The following SCHIP1 variants were observed in gnomAD, a reference collection of about 807,000 sequenced individuals.
SCHIP1 encodes the protein schwannomin interacting protein 1.
SCHIP1 carries 8 observed loss-of-function variants against 29.7 expected under a neutral mutation model. That is an observed-to-expected ratio of 0.27 (90% CI 0.16 to 0.49). The LOEUF is 0.49. Ranked by LOEUF, SCHIP1 falls within the 20% of genes least tolerant of loss-of-function variation. The probability of loss-of-function intolerance (pLI) is 0.99; values close to 1 mark genes in which losing one functional copy is unlikely to be tolerated. For synonymous variants in SCHIP1, 76 were observed against 94.9 expected, an observed-to-expected ratio of 0.80 and a Z score of 1.16; for missense variants, 193 against 294.6, an observed-to-expected ratio of 0.66 and a Z score of 2.52.
At chr3:159,605,617 T>C in the SCHIP1 span, among the ~76,000 whole-genome samples, 3 of 152,178 alleles carry the variant, frequency 2.0e-5, no homozygotes, top group Admixed American at 2.0e-4. Flanking sequence ...TGTCAGTATA[T>C]GAAATGCCAG....
chr3:159,693,835 A>G, the SCHIP1 span, among the ~76,000 whole-genome samples: 2 of 152,216 alleles, frequency 1.3e-5, no homozygotes, highest in African/African-American at 2.4e-5. Flanking sequence ...TCGGTTAATA[A>G]GTTTTAGAAA....
the SCHIP1 span, among the ~76,000 whole-genome samples, chr3:159,465,384 A>C: frequency 6.6e-6 from 1 of 151,644 alleles, no homozygotes; most frequent in African/African-American, 2.4e-5. Context: ...AGAAAGAGAG[A>C]GAAAGAGAGA....
At chr3:159,279,303 G>A in the SCHIP1 span, among the ~76,000 whole-genome samples, 1 of 152,178 alleles carries the variant, frequency 6.6e-6, no homozygotes, top group East Asian at 1.9e-4. Flanking sequence ...CATGTAAGGT[G>A]TGCCTTTGCT....
At chr3:159,665,546 T>TGTGTGTGTGTGTGTGTG in the SCHIP1 span, among the ~76,000 whole-genome samples, 17 of 147,460 alleles carry the variant, frequency 1.2e-4, no homozygotes, top group African/African-American at 4.2e-4. Context: ...GTTTTTGGGG[T>TGTGTGTGTGTGTGTGTG]TGTGTGTGTG....
chr3:159,395,560 C>A, the SCHIP1 span, among the ~76,000 whole-genome samples: 1 of 151,824 alleles, frequency 6.6e-6, no homozygotes, highest in African/African-American at 2.4e-5. Context: ...TTTATTTCTG[C>A]CTTCATTTCG....
At chr3:159,359,502 A>G in the SCHIP1 span, among the ~76,000 whole-genome samples, 1 of 152,314 alleles carries the variant, frequency 6.6e-6, no homozygotes, top group Non-Finnish European at 1.5e-5. Flanking sequence ...TGAGAATTAA[A>G]AGATGTCACA....
the SCHIP1 span, among the ~76,000 whole-genome samples, chr3:159,710,521 T>C: frequency 6.6e-6 from 1 of 152,164 alleles, no homozygotes; most frequent in Non-Finnish European, 1.5e-5. Flanking sequence ...ATTTCAAAAT[T>C]CCTAAAAGTG....
chr3:159,551,241 T>C, the SCHIP1 span, among the ~76,000 whole-genome samples: 1 of 152,144 alleles, frequency 6.6e-6, no homozygotes, highest in South Asian at 2.1e-4. Flanking sequence ...CCAGAGTAAA[T>C]AAAACAGGGG....
the SCHIP1 span, among the ~76,000 whole-genome samples, chr3:159,379,323 G>A: frequency 6.6e-6 from 1 of 151,998 alleles, no homozygotes; most frequent in East Asian, 1.9e-4. Context: ...CCAGGTTCAA[G>A]CGATTCTCCT....
the SCHIP1 span, among the ~76,000 whole-genome samples, chr3:159,552,115 T>C: frequency 6.8e-6 from 1 of 146,164 alleles, no homozygotes; most frequent in African/African-American, 2.5e-5. Context: ...CTCAGCTCAC[T>C]GCAGCCTCCG....
chr3:159,636,240 G>A, the SCHIP1 span, among the ~76,000 whole-genome samples: 1 of 152,126 alleles, frequency 6.6e-6, no homozygotes, highest in East Asian at 1.9e-4. Flanking sequence ...TAGAGACGGG[G>A]TTTCACCATG....
chr3:159,399,152 A>G, the SCHIP1 span, among the ~76,000 whole-genome samples: 13 of 152,004 alleles, frequency 8.6e-5, no homozygotes, highest in South Asian at 6.2e-4. Context: ...CTCCTCCCCA[A>G]ATCTGCACAG....
chr3:159,487,562 T>C, the SCHIP1 span, among the ~76,000 whole-genome samples: 2 of 152,198 alleles, frequency 1.3e-5, no homozygotes, highest in Non-Finnish European at 2.9e-5. Context: ...CCAAATAAGC[T>C]TGGCCCAACT....
chr3:159,413,565 T>G, the SCHIP1 span, among the ~76,000 whole-genome samples: 12 of 152,258 alleles, frequency 7.9e-5, no homozygotes, highest in Non-Finnish European at 1.5e-4. Flanking sequence ...ACACAACAAA[T>G]TCTCTGACCT....
upstream of SCHIP1, chr3:159,839,836 G>T: frequency 8.0e-7 from 1 of 1,253,468 alleles, no homozygotes; most frequent in Non-Finnish European, 1.0e-6. Flanking sequence ...AGCACCAGAA[G>T]GTCACACCAG....
the SCHIP1 span, among the ~76,000 whole-genome samples, chr3:159,395,369 A>G: frequency 2.6e-5 from 4 of 151,842 alleles, no homozygotes; most frequent in African/African-American, 9.7e-5. Flanking sequence ...TAGCTTTTGA[A>G]TGTGTTTCCT....
At chr3:159,818,681 T>C in the SCHIP1 span, among the ~76,000 whole-genome samples, 4 of 152,234 alleles carry the variant, frequency 2.6e-5, no homozygotes, top group African/African-American at 9.6e-5. Context: ...GCAGCCTTCA[T>C]ACTGCAAGCA....
At chr3:159,519,211 G>A in the SCHIP1 span, among the ~76,000 whole-genome samples, 6 of 152,094 alleles carry the variant, frequency 3.9e-5, no homozygotes, top group Admixed American at 2.0e-4. Flanking sequence ...AAGTAGCCAA[G>A]TTAGTCCCTT....
At chr3:159,640,598 T>C in the SCHIP1 span, among the ~76,000 whole-genome samples, 1 of 152,148 alleles carries the variant, frequency 6.6e-6, no homozygotes, top group Non-Finnish European at 1.5e-5. Flanking sequence ...TCTGCCTTAA[T>C]TTATGAGAAA....
Sources: allele counts gnomAD v4.1 joint callset (sites outside exome capture counted in the v4.1 genomes callset), GRCh38; gene constraint gnomAD v4.1.1; transcripts MANE v1.5; gene names NCBI Gene and HGNC (gene_info 2026-07-23, HGNC 2026-07-21).